The following CNTNAP2 variants were observed in gnomAD, a reference collection of about 807,000 sequenced individuals.
The protein encoded by CNTNAP2 is contactin associated protein 2.
Under a neutral mutation model 155.2 loss-of-function variants are expected in CNTNAP2, and 98 were observed. That is an observed-to-expected ratio of 0.63 (90% confidence interval 0.54 to 0.75). The LOEUF is 0.75. CNTNAP2 is among the 30% of genes least tolerant of loss of function. CNTNAP2 has a pLI of 0.00. For missense variants in CNTNAP2, 1,727 were observed against 1,688.1 expected (o/e 1.02, Z -0.40); for synonymous variants, 651 against 631.2 (o/e 1.03, Z -0.47).
chr7:146,972,891 G>A (rs911174576), intron 3 of CNTNAP2, among the ~76,000 whole-genome samples: 15 of 152,066 alleles, frequency 9.9e-5, no homozygotes, highest in African/African-American at 3.4e-4. Context: ...TCAGTCAGAG[G>A]CACTAATGAA....
At chr7:147,204,296 T>C (rs1386278083) in intron 8 of CNTNAP2, among the ~76,000 whole-genome samples, 1 of 152,074 alleles carries the variant, frequency 6.6e-6, no homozygotes, top group African/African-American at 2.4e-5. Context: ...AAAGTATGTA[T>C]AAAAATGTTG....
intron 3 of CNTNAP2, among the ~76,000 whole-genome samples, chr7:147,040,451 ATTTTTTTTTTTTTTTTT>A (rs34880534): frequency 2.5e-5 from 2 of 80,830 alleles, no homozygotes; most frequent in African/African-American, 5.7e-5. Flanking sequence ...TTAAGAGTGA[ATTTTTTTTTTTTTTTTT>A]TTTTTTTTTT....
At chr7:146,287,423 G>A (rs894328713) in intron 1 of CNTNAP2, among the ~76,000 whole-genome samples, 2 of 152,302 alleles carry the variant, frequency 1.3e-5, no homozygotes, top group South Asian at 4.2e-4. Context: ...AACGTAACAG[G>A]TTGCCTGTAG....
chr7:146,590,517 A>T (rs981604484), intron 1 of CNTNAP2, among the ~76,000 whole-genome samples: 3 of 152,166 alleles, frequency 2.0e-5, no homozygotes, highest in Admixed American at 1.3e-4. Context: ...CCAACTCTTA[A>T]TGACAGTACA....
At chr7:146,505,437 T>A (rs1054846896) in intron 1 of CNTNAP2, among the ~76,000 whole-genome samples, 2 of 152,336 alleles carry the variant, frequency 1.3e-5, no homozygotes, top group South Asian at 2.1e-4. Context: ...CCCTGGGTGA[T>A]GGTACCACAA....
chr7:146,322,674 C>T (rs1801027359), intron 1 of CNTNAP2, among the ~76,000 whole-genome samples: 1 of 109,518 alleles, frequency 9.1e-6, no homozygotes, highest in Admixed American at 1.3e-4. Context: ...CGGTAACTGA[C>T]ACTCAGTAGG....
chr7:146,353,208 C>G (rs1239543256), intron 1 of CNTNAP2, among the ~76,000 whole-genome samples: 3 of 152,088 alleles, frequency 2.0e-5, no homozygotes, highest in East Asian at 1.9e-4. Context: ...TTGTCAATGC[C>G]GTACATATTA....
intron 9 of CNTNAP2, among the ~76,000 whole-genome samples, chr7:147,313,721 G>A (rs1263840085): frequency 6.6e-6 from 1 of 152,052 alleles, no homozygotes; most frequent in African/African-American, 2.4e-5. Flanking sequence ...TGTTCTTTTG[G>A]CTTAGGACTG....
chr7:147,571,725 G>A (rs540129445), intron 12 of CNTNAP2, among the ~76,000 whole-genome samples: 19 of 152,198 alleles, frequency 1.2e-4, no homozygotes, highest in South Asian at 1.2e-3. Flanking sequence ...TAAGTTGGGC[G>A]CTACTAAGCT....
At chr7:146,665,792 A>AAAAAAAAAAAAAAAAAAAAAACAAAC (rs1563179426) in intron 1 of CNTNAP2, among the ~76,000 whole-genome samples, 3 of 148,056 alleles carry the variant, frequency 2.0e-5, no homozygotes, top group East Asian at 2.0e-4. Flanking sequence ...TTAAAAAAAA[A>AAAAAAAAAAAAAAAAAAAAAACAAAC]AAAAAATACA....
intron 16 of CNTNAP2, among the ~76,000 whole-genome samples, chr7:148,146,965 A>T (rs1805194301): frequency 6.6e-6 from 1 of 152,206 alleles, no homozygotes; most frequent in Non-Finnish European, 1.5e-5. Flanking sequence ...GAGTTTTTTT[A>T]AAATACCAGT....
intron 1 of CNTNAP2, among the ~76,000 whole-genome samples, chr7:146,617,115 G>C (rs767543010): frequency 6.6e-6 from 1 of 152,172 alleles, no homozygotes; most frequent in African/African-American, 2.4e-5. Flanking sequence ...TGCCTCCCGG[G>C]TTCACGCCAT....
chr7:146,391,664 T>C (rs1411383839), intron 1 of CNTNAP2, among the ~76,000 whole-genome samples: 3 of 152,290 alleles, frequency 2.0e-5, no homozygotes, highest in East Asian at 3.9e-4. Context: ...AATACATACC[T>C]GTGGTATTTG....
chr7:146,568,595 T>C (rs1055302483), intron 1 of CNTNAP2, among the ~76,000 whole-genome samples: 2 of 152,206 alleles, frequency 1.3e-5, no homozygotes, highest in Non-Finnish European at 2.9e-5. Flanking sequence ...CTTTCTCTTA[T>C]TTTGCTGCAT....
intron 13 of CNTNAP2, among the ~76,000 whole-genome samples, chr7:147,760,231 T>C (rs1221690125): frequency 7.3e-6 from 1 of 136,116 alleles, no homozygotes; most frequent in Non-Finnish European, 1.5e-5. Context: ...TATGGTAAAA[T>C]TTGAGCTTCA....
chr7:147,238,842 G>A lies in CNTNAP2; in HGVS notation c.1349-61299G>A, dbSNP rs146628939. Among the ~76,000 whole-genome samples the A allele has an allele frequency of 2.3e-3, 345 of 152,228 alleles. 2 individuals are homozygous for A. The highest frequency in any genetic ancestry group is 7.8e-3 in the African/African-American group (325 of 41,550). On this transcript the variant is annotated intron_variant, in intron 8 of 23. Coordinates refer to ENST00000361727, the MANE Select transcript of CNTNAP2 (RefSeq NM_014141.6). ...CTGATTAATAACAATTGCTATGAAA[G>A]CATCATTCAGTCCACTAAGTTGCTG...
intron 3 of CNTNAP2, among the ~76,000 whole-genome samples, chr7:146,972,241 C>A (rs1797816166): frequency 6.6e-6 from 1 of 152,048 alleles, no homozygotes; most frequent in Non-Finnish European, 1.5e-5. Flanking sequence ...TTTTACTAAC[C>A]TTTATTAATG....
chr7:146,662,008 T>G (rs7797256), intron 1 of CNTNAP2, among the ~76,000 whole-genome samples: 95,737 of 152,060 alleles, frequency 0.63, 33,099 homozygotes, highest in South Asian at 0.86. Context: ...AGGTGTAGTG[T>G]TTTTTTAATG....
Position 147,062,811 on chromosome 7 carries a change from C to A in CNTNAP2, c.550+18757C>A, listed in dbSNP as rs566488776. On this transcript the variant is annotated intron_variant, in intron 4 of 23. Transcript: ENST00000361727. ...CTCTGAAATGAATTTTATTATCTAG[C>A]GTCTGTTCTTAACCTCACAAGAAAA... Among the ~76,000 whole-genome samples, 12 of 152,188 alleles carry A rather than the reference C, an allele frequency of 7.9e-5. No homozygotes were observed. In the South Asian group the frequency reaches 2.3e-3, roughly 29 times the overall value.
Sources: allele counts gnomAD v4.1 joint callset (sites outside exome capture counted in the v4.1 genomes callset), GRCh38; gene constraint gnomAD v4.1.1; transcripts MANE v1.5; gene names NCBI Gene and HGNC (gene_info 2026-07-23, HGNC 2026-07-21).